The following STAU2 variants were observed in gnomAD, a reference collection of about 807,000 sequenced individuals.
STAU2 encodes the protein staufen double-stranded RNA binding protein 2.
A neutral mutation model predicts 65.9 loss-of-function variants in STAU2; 20 were observed. The ratio of observed to expected loss-of-function variants is 0.30; its 90% CI spans 0.21 to 0.44. STAU2 has a LOEUF of 0.44. Among genes scored for constraint, STAU2 ranks in the 20% least tolerant of loss-of-function variants. The probability of loss-of-function intolerance (pLI) is 1.00; values close to 1 mark genes in which losing one functional copy is unlikely to be tolerated. For synonymous variants in STAU2, 232 were observed against 233.9 expected, an observed-to-expected ratio of 0.99 and a Z score of 0.07; for missense variants, 558 against 683.9, an observed-to-expected ratio of 0.82 and a Z score of 2.05.
intron 6 of STAU2, among the ~76,000 whole-genome samples, chr8:73,637,741 A>C (rs1814655530): frequency 6.6e-6 from 1 of 151,962 alleles, no homozygotes; most frequent in South Asian, 2.1e-4. Flanking sequence ...ACACAAAAAC[A>C]AAACAAAAAA....
rs578260176 is a variant in STAU2, at chr8:73,422,112, G to A, written c.1619+502C>T. Among the ~76,000 whole-genome samples the A allele has an allele frequency of 2.0e-5, 3 of 152,234 alleles. No homozygotes were observed. The South Asian group carries it at 6.2e-4, about 32-fold the overall frequency. On this transcript the variant is annotated intron_variant, in intron 14 of 14. Transcript: ENST00000524300. ...TGCATCTTTTGCCCGTGTAGCCCTTGGGAGCCACACTTTGTGGCAATGTGT... is the reference window on the plus strand; with the variant it reads ...TGCATCTTTTGCCCGTGTAGCCCTTAGGAGCCACACTTTGTGGCAATGTGT...
chr8:73,604,525 C>T (rs1811872437), intron 9 of STAU2, among the ~76,000 whole-genome samples: 1 of 152,098 alleles, frequency 6.6e-6, no homozygotes. Flanking sequence ...GCCGCAGCAC[C>T]CGGCCACAAC....
chr8:73,530,056 T>TA (rs1394947946), intron 13 of STAU2, among the ~76,000 whole-genome samples: 1 of 152,152 alleles, frequency 6.6e-6, no homozygotes, highest in Non-Finnish European at 1.5e-5. Context: ...GGAGTATAGA[T>TA]ATTATCATCT....
intron 4 of STAU2, among the ~76,000 whole-genome samples, chr8:73,707,046 GCT>G (rs1820553365): frequency 6.6e-6 from 1 of 152,184 alleles, no homozygotes; most frequent in South Asian, 2.1e-4. Context: ...AGGCAGTCTA[GCT>G]CTTCACTCTT....
intron 13 of STAU2, among the ~76,000 whole-genome samples, chr8:73,455,515 G>A (rs1819016508): frequency 6.6e-6 from 1 of 152,146 alleles, no homozygotes; most frequent in African/African-American, 2.4e-5. Flanking sequence ...GGGCTCTGGG[G>A]CAGCCTCAGC....
intron 13 of STAU2, chr8:73,549,726 T>G: frequency 1.0e-6 from 1 of 985,752 alleles, no homozygotes; most frequent in South Asian, 4.7e-5. Context: ...TTACACAATA[T>G]TCAATAAGCA....
chr8:73,651,536 CT>C, intron 6 of STAU2: 1 of 842,544 alleles, frequency 1.2e-6, no homozygotes, highest in Non-Finnish European at 2.0e-6. Flanking sequence ...GTCTTCTGGC[CT>C]TGCCAATGGC....
In STAU2 at chr8:73,429,413, C is replaced by CTTTT. The variant is rs71561522; in HGVS notation, c.1531-6715_1531-6712dup. Among the ~76,000 whole-genome samples the CTTTT allele has an allele frequency of 6.0e-4, 39 of 65,368 alleles. 13 individuals carry two copies. The highest frequency in any genetic ancestry group is 9.6e-4 in the South Asian group (2 of 2,082). 42.9% of individuals were successfully genotyped at this position (65,368 alleles called of 152,430 possible). ...AACCAATCTATATTCTTGCTCAGGTCTTTTTTTTTTTTTTTTTTTTTTTTT... is the reference window on the plus strand; with the variant it reads ...AACCAATCTATATTCTTGCTCAGGTCTTTTTTTTTTTTTTTTTTTTTTTTTTTTT... On this transcript the variant is annotated intron_variant, in intron 13 of 14. Coordinates refer to ENST00000524300, the MANE Select transcript of STAU2 (RefSeq NM_001164380.2).
At chr8:73,704,199 C>T (rs1361040069) in intron 4 of STAU2, among the ~76,000 whole-genome samples, 1 of 152,148 alleles carries the variant, frequency 6.6e-6, no homozygotes, top group African/African-American at 2.4e-5. Flanking sequence ...TACAATCAGC[C>T]AAATTCAAGA....
intron 5 of STAU2, among the ~76,000 whole-genome samples, chr8:73,687,966 G>A (rs112221368): frequency 2.6e-5 from 4 of 151,066 alleles, no homozygotes; most frequent in Non-Finnish European, 5.9e-5. Context: ...CACCTGCCTC[G>A]GCCTCCCAAA....
At chr8:73,544,387 C>T (rs1403073133) in intron 13 of STAU2, among the ~76,000 whole-genome samples, 3 of 152,172 alleles carry the variant, frequency 2.0e-5, no homozygotes, top group Non-Finnish European at 4.4e-5. Flanking sequence ...TTTCTGTTAA[C>T]CAATCATGTC....
intron 13 of STAU2, among the ~76,000 whole-genome samples, chr8:73,538,391 G>C (rs1220650329): frequency 6.6e-6 from 1 of 152,064 alleles, no homozygotes; most frequent in Non-Finnish European, 1.5e-5. Flanking sequence ...ATTGAAAGTA[G>C]CCAAGAGCCT....
At chr8:73,652,821 T>C (rs1194049578) in intron 6 of STAU2, 2 of 151,908 alleles carry the variant, frequency 1.3e-5, no homozygotes, top group Non-Finnish European at 2.9e-5. Flanking sequence ...CACATACATA[T>C]ATACATATAG....
intron 13 of STAU2, among the ~76,000 whole-genome samples, chr8:73,530,647 C>T (rs954356521): frequency 2.6e-5 from 4 of 152,254 alleles, no homozygotes; most frequent in African/African-American, 9.6e-5. Flanking sequence ...CTGTATATCC[C>T]TGGCAGTTTA....
At chr8:73,435,443 GT>G (rs1271718852) in intron 13 of STAU2, among the ~76,000 whole-genome samples, 1 of 151,864 alleles carries the variant, frequency 6.6e-6, no homozygotes, top group Non-Finnish European at 1.5e-5. Flanking sequence ...GCAGACAGGG[GT>G]CTTATTCTGT....
At chr8:73,622,653 A>C (rs1367216028) in intron 6 of STAU2, among the ~76,000 whole-genome samples, 1 of 152,180 alleles carries the variant, frequency 6.6e-6, no homozygotes, top group Non-Finnish European at 1.5e-5. Context: ...GTCTATCTTC[A>C]TGGAAGGCCA....
Position 73,709,089 on chromosome 8 carries a change from G to A in STAU2, c.57C>T (p.Phe19=). 1 of 1,533,630 alleles carries A rather than the reference G, an allele frequency of 6.5e-7. No individual in the cohort carries two copies. The highest frequency in any genetic ancestry group is 1.2e-5 in the South Asian group (1 of 83,426). ...AMCLVNELAR[F]NRVQPQYKLL... The stretch of plus-strand genomic sequence containing the variant: ...GTTTATACTGGGGTTGGACTCTATT[G>A]AAACGGGCTAACTCATTTACCAGAC... The change falls in exon 4 of 15, where the codon TTC becomes TTT. Residue 19 remains phenylalanine (F), a synonymous_variant. Coordinates refer to ENST00000524300, the MANE Select transcript of STAU2 (RefSeq NM_001164380.2).
intron 10 of STAU2, among the ~76,000 whole-genome samples, chr8:73,597,669 C>CAAAAAAAAAA (rs34461371): frequency 1.8e-5 from 1 of 55,876 alleles, no homozygotes; most frequent in Non-Finnish European, 3.1e-5. Flanking sequence ...GTCTCTGTCT[C>CAAAAAAAAAA]AAAAAAAAAA....
At chr8:73,563,700 G>T (rs892264743) in intron 12 of STAU2, among the ~76,000 whole-genome samples, 3 of 152,122 alleles carry the variant, frequency 2.0e-5, no homozygotes, top group African/African-American at 7.2e-5. Context: ...TTATTGTAGA[G>T]ACAGGATCTT....
Sources: allele counts gnomAD v4.1 joint callset (sites outside exome capture counted in the v4.1 genomes callset), GRCh38; gene constraint gnomAD v4.1.1; transcripts MANE v1.5; gene names NCBI Gene and HGNC (gene_info 2026-07-23, HGNC 2026-07-21).